Variants in MGAM observed in about 807,000 individuals in gnomAD.
MGAM encodes maltase-glucoamylase.
In MGAM, 253 loss-of-function variants were observed where a neutral mutation model predicts 358.8. The ratio of observed to expected loss-of-function variants is 0.71; its 90% CI spans 0.64 to 0.78. The LOEUF is 0.78. MGAM is among the 30% of genes least tolerant of loss of function. The probability of loss-of-function intolerance (pLI) is 0.00; values close to 1 mark genes in which losing one functional copy is unlikely to be tolerated. For synonymous variants in MGAM, 1,105 were observed against 1,227.1 expected, an observed-to-expected ratio of 0.90 and a Z score of 2.08; for missense variants, 3,080 against 3,432.6, an observed-to-expected ratio of 0.90 and a Z score of 2.57.
chr7:142,058,275 G>A lies in MGAM; in HGVS notation c.3766G>A (p.Asp1256Asn), dbSNP rs1483665766. The change falls in exon 31 of 71, where the codon GAC becomes AAC. Residue 1256 changes from aspartate (D) to asparagine (N), a missense_variant. By Grantham distance (23) the Asp-to-Asn change is conservative (BLOSUM62 1). Coordinates refer to ENST00000475668, the MANE Select transcript of MGAM (RefSeq NM_001365693.1). ...FQLCRYGYQN[D>N]SEIASLYDEM... Reference sequence around the variant, plus strand: ...GCTGTGTCGCTATGGCTACCAGAATGACTCTGAGATCGCCAGCTTGTATGA... The same window carrying A: ...GCTGTGTCGCTATGGCTACCAGAATAACTCTGAGATCGCCAGCTTGTATGA... 6.2e-7 allele frequency: 1 copy of A among 1,613,828 alleles called. No individual in the cohort carries two copies. The highest frequency in any genetic ancestry group is 2.2e-5 in the East Asian group (1 of 44,894).
At chr7:142,068,209 G>A (rs1315510898) in intron 42 of MGAM, among the ~76,000 whole-genome samples, 1 of 135,648 alleles carries the variant, frequency 7.4e-6, no homozygotes, top group East Asian at 2.2e-4. Flanking sequence ...GTATTAGCCA[G>A]GATGGTCTCA....
chr7:142,034,987 C>T, intron 16 of MGAM, 146 bp downstream of exon 16: 1 of 770,152 alleles, frequency 1.3e-6, no homozygotes, highest in Admixed American at 2.9e-5. Flanking sequence ...TCCACATCAG[C>T]AGGGCTTTGA....
Position 142,091,075 on chromosome 7 carries a change from C to T in MGAM, c.6811-838C>T, listed in dbSNP as rs77419453. Among the ~76,000 whole-genome samples the T allele has an allele frequency of 3.0e-3, 441 of 144,828 alleles. 7 individuals are homozygous for T. Among genetic ancestry groups the T allele is most frequent in the African/African-American group, 0.01 (412 of 40,974 alleles). Reference sequence around the variant, plus strand: ...CAGCCTGAACAACATGAGGAAACTACGTCTCTACTAGAAATACAAAAATTA... The same window carrying T: ...CAGCCTGAACAACATGAGGAAACTATGTCTCTACTAGAAATACAAAAATTA... On this transcript the variant is annotated intron_variant, in intron 57 of 70. Coordinates refer to ENST00000475668, the MANE Select transcript of MGAM (RefSeq NM_001365693.1).
At chr7:142,042,924 A>ACAT (rs1809212235) in intron 21 of MGAM, among the ~76,000 whole-genome samples, 1 of 43,174 alleles carries the variant, frequency 2.3e-5, no homozygotes, top group African/African-American at 7.4e-5. Flanking sequence ...ATATACATAT[A>ACAT]ATATCTAAAT....
At position 142,064,364 on chromosome 7, in the gene MGAM, C is replaced by G. The variant is rs10271514; in HGVS notation, c.4346-20C>G. The G allele has an allele frequency of 1.9e-6, 3 of 1,597,576 alleles. No homozygotes were observed. In the African/African-American group the frequency reaches 4.0e-5, roughly 21 times the overall value. On this transcript the variant is annotated intron_variant, in intron 36 of 70. Transcript: ENST00000475668. Reference sequence around the variant, plus strand: ...ACAGAATCAGGGCTGGGTTTCACCTCGCCAGTTCTTCCTCCTCAGATTTGG... The same window carrying G: ...ACAGAATCAGGGCTGGGTTTCACCTGGCCAGTTCTTCCTCCTCAGATTTGG...
In MGAM at chr7:142,097,605, G is replaced by T; in HGVS notation, c.7705G>T (p.Val2569Phe). The change falls in exon 66 of 71, where the codon GTC becomes TTC. Residue 2569 changes from valine (V) to phenylalanine (F), a missense_variant. Physicochemically the swap from Val to Phe is conservative, Grantham distance 50. Transcript: ENST00000475668. Reference sequence around the variant, plus strand: ...TGTTTCATTTTAGAATGCCAGAAATGTCACTGCATATTTCCCTAGAGCCCG... The same window carrying T: ...TGTTTCATTTTAGAATGCCAGAAATTTCACTGCATATTTCCCTAGAGCCCG... Reference protein sequence around the residue: ...SPVLERNARNVTAYFPRARWY... With the variant: ...SPVLERNARNFTAYFPRARWY... 6.2e-7 allele frequency: 1 copy of T among 1,613,036 alleles called. No homozygotes were observed. The highest frequency in any genetic ancestry group is 1.1e-5 in the South Asian group (1 of 91,066).
Position 142,102,704 on chromosome 7 carries a change from G to A in MGAM, c.8013+25G>A, listed in dbSNP as rs1330838795. On this transcript the variant is annotated intron_variant, in intron 69 of 70. Coordinates refer to ENST00000475668, the MANE Select transcript of MGAM (RefSeq NM_001365693.1). Reference sequence around the variant, plus strand: ...GGTGAGTGTGATTGATATGAAGTGAGAATAGGGTTCCACTGGCTTAGGAGG... The same window carrying A: ...GGTGAGTGTGATTGATATGAAGTGAAAATAGGGTTCCACTGGCTTAGGAGG... The A allele has an allele frequency of 1.9e-6, 3 of 1,608,242 alleles. 1 individual carries two copies. The Admixed American group carries it at 5.0e-5, about 27-fold the overall frequency.
At chr7:142,047,362 G>C (rs960457978) in intron 21 of MGAM, among the ~76,000 whole-genome samples, 12 of 152,094 alleles carry the variant, frequency 7.9e-5, no homozygotes, top group African/African-American at 2.7e-4. Context: ...GAGTATAAAT[G>C]GTCCTTAGGC....
intron 48 of MGAM, 102 bp from the exon 49 acceptor site, chr7:142,078,706 T>G: frequency 8.2e-7 from 1 of 1,212,586 alleles, no homozygotes; most frequent in Admixed American, 2.2e-5. Flanking sequence ...AGTGATAGGC[T>G]GGTTTTATTG....
chr7:142,077,635 A>G (rs2129050772), intron 47 of MGAM, among the ~76,000 whole-genome samples: 1 of 144,836 alleles, frequency 6.9e-6, no homozygotes, highest in South Asian at 2.2e-4. Context: ...TTTTATTTCC[A>G]CCTCTCAATT....
chr7:142,041,939 TATATATATAC>T (rs1808693220), intron 21 of MGAM, among the ~76,000 whole-genome samples: 1 of 17,982 alleles, frequency 5.6e-5, no homozygotes, highest in African/African-American at 2.3e-4. Context: ...ATATATATAT[TATATATATAC>T]ATATATATAA....
At chr7:142,050,168 G>A in intron 22 of MGAM, 67 bp from the exon 23 acceptor site, 2 of 1,495,372 alleles carry the variant, frequency 1.3e-6, no homozygotes, top group Admixed American at 1.7e-5. Flanking sequence ...GAAAGGAGTG[G>A]TAGGGTGAAA....
chr7:142,095,299 G>T (rs967566025), intron 63 of MGAM, among the ~76,000 whole-genome samples: 1 of 152,074 alleles, frequency 6.6e-6, no homozygotes, highest in African/African-American at 2.4e-5. Flanking sequence ...TGTTCTTTAG[G>T]TTATTATTAT....
intron 10 of MGAM, among the ~76,000 whole-genome samples, chr7:142,029,094 G>T (rs781932196): frequency 4.6e-5 from 7 of 152,156 alleles, no homozygotes; most frequent in Admixed American, 2.0e-4. Flanking sequence ...GCTCACACTT[G>T]TAATCCCAGC....
Position 142,093,368 on chromosome 7 carries a change from C to G in MGAM, c.7034-44C>G. Reference sequence around the variant, plus strand: ...CCCTTGAAGAGAAGTCAGGGAGAAACAGAATCAGGGCTGGATTTCACCTCA... The same window carrying G: ...CCCTTGAAGAGAAGTCAGGGAGAAAGAGAATCAGGGCTGGATTTCACCTCA... On this transcript the variant is annotated intron_variant, in intron 59 of 70. Coordinates refer to ENST00000475668, the MANE Select transcript of MGAM (RefSeq NM_001365693.1). The G allele has an allele frequency of 1.3e-6, 2 of 1,510,224 alleles. 1 individual carries two copies. Among genetic ancestry groups the G allele is most frequent in the Non-Finnish European group, 1.8e-6 (2 of 1,108,904 alleles). The allele number at this position is 1,510,224 out of a possible 1,614,324, so 93.6% of individuals were successfully genotyped here. A position where few individuals can be genotyped will look rare whatever the true frequency, so the allele number is the denominator to read the frequency against.
chr7:142,041,987 AATATATATATAT>A (rs1808768374), intron 21 of MGAM, among the ~76,000 whole-genome samples: 2 of 19,674 alleles, frequency 1.0e-4, no homozygotes, highest in African/African-American at 2.1e-4. Flanking sequence ...TATATAATAT[AATATATATATAT>A]TATATATATA....
Position 142,030,186 on chromosome 7 carries a change from G to A in MGAM, c.1222-176G>A, listed in dbSNP as rs781120477. 74 of 680,268 alleles carry A rather than the reference G, an allele frequency of 1.1e-4. 1 individual carries two copies. Among genetic ancestry groups the A allele is most frequent in the Middle Eastern group, 4.4e-4 (1 of 2,258 alleles). 42.1% of individuals were successfully genotyped at this position (680,268 alleles called of 1,614,324 possible). A position where few individuals can be genotyped will look rare whatever the true frequency, so the allele number is the denominator to read the frequency against. On this transcript the variant is annotated intron_variant, in intron 10 of 70. Coordinates refer to ENST00000475668, the MANE Select transcript of MGAM (RefSeq NM_001365693.1). ...CCAAGCCCTAGGGAACCAACCAGTC[G>A]TGTGTTTTTGAAATCAACATTGGAA...
At chr7:142,003,734 A>G (rs1804922700) in intron 1 of MGAM, among the ~76,000 whole-genome samples, 1 of 152,008 alleles carries the variant, frequency 6.6e-6, no homozygotes, top group South Asian at 2.1e-4. Flanking sequence ...TCTGCACAGT[A>G]AAAAAATAAA....
rs554671459 is a variant in MGAM, at chr7:142,030,057, C to G, written c.1222-305C>G. On this transcript the variant is annotated intron_variant, in intron 10 of 70. Coordinates refer to ENST00000475668, the MANE Select transcript of MGAM (RefSeq NM_001365693.1). ...TTCTTAGGTGGATATGTCTGATTGTCTTAGGGGTTTGTCATAATTGGTGTT... is the reference window on the plus strand; with the variant it reads ...TTCTTAGGTGGATATGTCTGATTGTGTTAGGGGTTTGTCATAATTGGTGTT... 8.5e-5 allele frequency among the ~76,000 whole-genome samples: 13 copies of G among 152,132 alleles called. No individual in the cohort carries two copies. In the South Asian group the frequency reaches 2.5e-3, roughly 29 times the overall value.
Sources: allele counts gnomAD v4.1 joint callset (sites outside exome capture counted in the v4.1 genomes callset), GRCh38; gene constraint gnomAD v4.1.1; transcripts MANE v1.5; gene names NCBI Gene and HGNC (gene_info 2026-07-23, HGNC 2026-07-21).